MAP4K5: variants seen among roughly 807,000 people sequenced by gnomAD.
MAP4K5 encodes the protein MAPK/ERK kinase kinase kinase 5.
In MAP4K5, 82 loss-of-function variants were observed where a neutral mutation model predicts 135.6. That is an observed-to-expected ratio of 0.60 (90% CI 0.51 to 0.73). The LOEUF is 0.73. Ranked by LOEUF, MAP4K5 falls within the 30% of genes least tolerant of loss-of-function variation. The pLI is 0.00. For missense variants in MAP4K5, 907 were observed against 1,010.9 expected, an observed-to-expected ratio of 0.90 and a Z score of 1.39; for synonymous variants, 347 against 335.0, an observed-to-expected ratio of 1.04 and a Z score of -0.39.
At chr14:50,420,825 G>A (rs1595408249) in intron 32 of MAP4K5, among the ~76,000 whole-genome samples, 2 of 151,912 alleles carry the variant, frequency 1.3e-5, no homozygotes, top group East Asian at 1.9e-4. Flanking sequence ...TATGAAATGG[G>A]GCCCCTCTCC....
intron 26 of MAP4K5, 72 bp downstream of exon 26, chr14:50,437,404 T>C (rs1040010429): frequency 6.7e-6 from 8 of 1,199,300 alleles, no homozygotes; most frequent in South Asian, 2.8e-5. Context: ...TTTGATTCCA[T>C]ACGACTCTTC....
chr14:50,434,988 GCT>G lies in MAP4K5; in HGVS notation c.1958_1959del (p.Glu653AlafsTer12). 6.2e-7 allele frequency: 1 copy of G among 1,608,004 alleles called. No homozygotes were observed. The highest frequency in any genetic ancestry group is 8.5e-7 in the Non-Finnish European group (1 of 1,175,612). On this transcript the variant is annotated frameshift_variant, in exon 27 of 33. Coordinates refer to ENST00000682126, the MANE Select transcript of MAP4K5 (RefSeq NM_006575.6). LOFTEE classifies it high-confidence loss of function. ...TTTATCAACATGAATTTCTGCATTG[GCT>G]CATACCACTGAAGTAAAACAATTCC... ...QSGIVLLQWY[E>X]PMQKFMLIKH... is the part of the protein sequence containing the mutation.
intron 17 of MAP4K5, 117 bp from the exon 18 acceptor site, chr14:50,445,311 G>A: frequency 2.5e-6 from 2 of 811,132 alleles, no homozygotes; most frequent in South Asian, 5.4e-5. Context: ...ACTGGGCTAA[G>A]TGAGCAAAGT....
intron 14 of MAP4K5, among the ~76,000 whole-genome samples, chr14:50,454,102 T>C (rs1414627550): frequency 1.3e-5 from 2 of 152,186 alleles, no homozygotes; most frequent in African/African-American, 4.8e-5. Flanking sequence ...TAGTGAAAAC[T>C]GAACTATTAC....
chr14:50,437,484 C>A lies in MAP4K5; in HGVS notation c.1874G>T (p.Cys625Phe), dbSNP rs1246948752. Residue 625 changes from cysteine (C) to phenylalanine (F), a missense_variant, in exon 26 of 33, where the codon TGT becomes TTT. By Grantham distance (205) the Cys-to-Phe change is radical (BLOSUM62 -2). Transcript: ENST00000682126. ...KIPDTKGCHK[C>F]CIVRNPYTGH... ...AAATACCATTTACTCACCTATGCAA[C>A]ATTTGTGGCAGCCTTTTGTATCAGG... is the stretch of plus-strand genomic sequence containing the variant. 1 of 1,601,096 alleles carries A rather than the reference C, an allele frequency of 6.2e-7. No individual in the cohort carries two copies. The highest frequency in any genetic ancestry group is 8.5e-7 in the Non-Finnish European group (1 of 1,175,072).
intron 5 of MAP4K5, among the ~76,000 whole-genome samples, chr14:50,483,345 T>C (rs1289422530): frequency 1.3e-5 from 2 of 152,138 alleles, no homozygotes; most frequent in African/African-American, 4.8e-5. Flanking sequence ...GACTATGCCT[T>C]TCAGTACCAT....
At chr14:50,449,104 T>C (rs1030922556) in intron 14 of MAP4K5, 2 of 341,840 alleles carry the variant, frequency 5.9e-6, no homozygotes, top group African/African-American at 2.2e-5. Context: ...TTTTTAAAAA[T>C]TCATCAAAAA....
intron 1 of MAP4K5, 83 bp from the exon 2 acceptor site, chr14:50,532,241 C>T: frequency 1.8e-6 from 1 of 549,006 alleles, no homozygotes; most frequent in Non-Finnish European, 3.2e-6. Context: ...CGGCCCCTTC[C>T]CTTCCGTCCC....
rs546940183 is a variant in MAP4K5, at chr14:50,445,345, C to T, written c.1186-151G>A. 2.6e-5 allele frequency among the ~76,000 whole-genome samples: 4 copies of T among 152,240 alleles called. No individual in the cohort carries two copies. In the East Asian group the frequency reaches 7.7e-4, roughly 29 times the overall value. ...GTAAGAGGTGAGTTACTGCCCAACA[C>T]AACTATCAACTTGCCATGTGATTTT... On this transcript the variant is annotated intron_variant, in intron 17 of 32. Transcript: ENST00000682126.
chr14:50,486,679 C>A (rs2037369746), intron 3 of MAP4K5, among the ~76,000 whole-genome samples: 1 of 152,098 alleles, frequency 6.6e-6, no homozygotes, highest in Non-Finnish European at 1.5e-5. Context: ...GCCTGTAATT[C>A]CAGCACCTTG....
intron 3 of MAP4K5, among the ~76,000 whole-genome samples, chr14:50,500,248 A>G (rs1446501568): frequency 6.6e-6 from 1 of 152,210 alleles, no homozygotes; most frequent in African/African-American, 2.4e-5. Context: ...ACACGTATAC[A>G]TATAAACAAA....
chr14:50,506,894 C>A (rs2037821134), intron 2 of MAP4K5, among the ~76,000 whole-genome samples: 1 of 152,156 alleles, frequency 6.6e-6, no homozygotes, highest in African/African-American at 2.4e-5. Context: ...TGCCATTGGA[C>A]ATAAGAACTG....
chr14:50,527,995 A>T (rs1341130107), intron 2 of MAP4K5, among the ~76,000 whole-genome samples: 1 of 152,118 alleles, frequency 6.6e-6, no homozygotes, highest in Non-Finnish European at 1.5e-5. Flanking sequence ...GTTGTTATAG[A>T]TCCTTGTGGT....
At chr14:50,435,736 A>C (rs981035563) in intron 26 of MAP4K5, among the ~76,000 whole-genome samples, 2 of 152,102 alleles carry the variant, frequency 1.3e-5, no homozygotes, top group Non-Finnish European at 2.9e-5. Context: ...ATGTCTACTT[A>C]AGATGAAAAT....
chr14:50,492,146 C>T (rs921034296), intron 3 of MAP4K5, among the ~76,000 whole-genome samples: 19 of 152,198 alleles, frequency 1.2e-4, no homozygotes, highest in Admixed American at 4.6e-4. Context: ...CGTGATGCTT[C>T]GAGTTGTATT....
chr14:50,550,253 G>A (rs1333505358), intron 1 of MAP4K5, among the ~76,000 whole-genome samples: 3 of 152,236 alleles, frequency 2.0e-5, no homozygotes, highest in African/African-American at 7.2e-5. Flanking sequence ...GTGTGGTACT[G>A]TAAGCCAGAA....
chr14:50,513,236 T>C (rs1055264393), intron 2 of MAP4K5, among the ~76,000 whole-genome samples: 6 of 152,182 alleles, frequency 3.9e-5, no homozygotes, highest in African/African-American at 1.4e-4. Context: ...TCTTAATTCA[T>C]ATTTCCAAGT....
intron 1 of MAP4K5, chr14:50,559,963 C>T: frequency 4.3e-6 from 2 of 467,866 alleles, no homozygotes; most frequent in South Asian, 2.6e-5. Context: ...TTGTGTTTTC[C>T]GTTGAAAATG....
chr14:50,463,064 T>C lies in MAP4K5; in HGVS notation c.820-283A>G, dbSNP rs567894574. The stretch of plus-strand genomic sequence containing the variant: ...AATTAATATAGATTAGATATGGCTA[T>C]ACCAATGACATTCATTACTCATATC... On this transcript the variant is annotated intron_variant, in intron 12 of 32. Transcript: ENST00000682126. Among the ~76,000 whole-genome samples the C allele has an allele frequency of 2.6e-4, 40 of 152,308 alleles. 1 individual carries two copies. The highest frequency in any genetic ancestry group is 8.8e-5 in the Non-Finnish European group (6 of 68,018).
Sources: gnomAD v4.1 joint callset for allele counts (sites outside exome capture counted in the v4.1 genomes callset) on GRCh38, gnomAD v4.1.1 for gene constraint, MANE v1.5 for transcripts, NCBI Gene and HGNC (gene_info 2026-07-23, HGNC 2026-07-21) for gene names.